Variants in NINL observed in about 807,000 individuals in gnomAD.
The protein encoded by NINL is ninein-like protein.
Under a neutral mutation model 160.3 loss-of-function variants are expected in NINL, and 153 were observed. The ratio of observed to expected loss-of-function variants is 0.95; its 90% CI spans 0.84 to 1.09. The LOEUF (loss-of-function observed/expected upper bound fraction) is 1.09, where lower values mean the gene tolerates loss of function less well. NINL is among the 50% of genes least tolerant of loss of function. The pLI is 0.00. For missense variants in NINL, 1,829 were observed against 1,764.0 expected, an observed-to-expected ratio of 1.04 and a Z score of -0.66; for synonymous variants, 800 against 734.8, an observed-to-expected ratio of 1.09 and a Z score of -1.43.
chr20:25,526,405 C>T lies in NINL; in HGVS notation c.180+3G>A. 2 of 1,608,922 alleles carry T rather than the reference C, an allele frequency of 1.2e-6. No homozygotes were observed. The highest frequency in any genetic ancestry group is 8.5e-7 in the Non-Finnish European group (1 of 1,176,452). ...CTTTATGACAATGAAGTCCAACACT[C>T]ACCCTGGCGAAATGGTCGTTTCCGA... On this transcript the variant is annotated splice_donor_region_variant and intron_variant, in intron 2 of 23. Coordinates refer to ENST00000278886, the MANE Select transcript of NINL (RefSeq NM_025176.6).
At chr20:25,566,054 A>G (rs1390341025) in intron 1 of NINL, among the ~76,000 whole-genome samples, 1 of 152,236 alleles carries the variant, frequency 6.6e-6, no homozygotes, top group Non-Finnish European at 1.5e-5. Flanking sequence ...GTTGGCAGCC[A>G]GCCGGGCACT....
chr20:25,575,123 T>C lies in NINL; in HGVS notation c.-12+10332A>G, dbSNP rs532252213. On this transcript the variant is annotated intron_variant, in intron 1 of 23. Transcript: ENST00000278886. The stretch of plus-strand genomic sequence containing the variant: ...AATATAGGACTAGCTTTTTAACTTG[T>C]TATTCTGAAAAACTTTCAAATGTAT... Among the ~76,000 whole-genome samples, 11 of 152,296 alleles carry C rather than the reference T, an allele frequency of 7.2e-5. No homozygotes were observed. The East Asian group carries it at 1.9e-3, about 27-fold the overall frequency.
At position 25,512,963 on chromosome 20, in the gene NINL, C is replaced by T; in HGVS notation, c.321G>A (p.Lys107=). The T allele has an allele frequency of 6.2e-7, 1 of 1,612,586 alleles. No homozygotes were observed. Among genetic ancestry groups the T allele is most frequent in the South Asian group, 1.1e-5 (1 of 90,988 alleles). The change falls in exon 4 of 24, where the codon AAG becomes AAA. Residue 107 remains lysine (K), a synonymous_variant. Transcript: ENST00000278886. ...AIPPKYVNGS[K]WYGRRSRPEL... is the part of the protein sequence containing the mutation. ...CAGGCCGGCTCCGACGGCCATACCA[C>T]TTAGAACCATTCACATACTTTGGAG...
intron 1 of NINL, among the ~76,000 whole-genome samples, chr20:25,570,622 C>T (rs2065042736): frequency 6.7e-6 from 1 of 149,508 alleles, no homozygotes; most frequent in African/African-American, 2.5e-5. Flanking sequence ...TATAGCAGTG[C>T]GAGAACGAAC....
chr20:25,530,884 T>C (rs986671742), intron 1 of NINL, among the ~76,000 whole-genome samples: 16 of 152,286 alleles, frequency 1.1e-4, no homozygotes, highest in Admixed American at 3.3e-4. Context: ...CAGGCACACA[T>C]TGTCATTGAT....
In NINL at chr20:25,453,486, C is replaced by G. The variant is rs778679773; in HGVS notation, c.4114G>C (p.Val1372Leu). The G allele has an allele frequency of 1.9e-6, 3 of 1,612,860 alleles. No individual in the cohort carries two copies. In the African/African-American group the frequency reaches 4.0e-5, roughly 22 times the overall value. ...EEKVRALNKL[V>L]SRIAPAALSV Reference sequence around the variant, plus strand: ...AGGGCTGCGGGGGCAATCCTACTGACGAGTTTGTTGAGAGCGCGAACTTTT... The same window carrying G: ...AGGGCTGCGGGGGCAATCCTACTGAGGAGTTTGTTGAGAGCGCGAACTTTT... The change falls in exon 24 of 24, where the codon GTC (valine) becomes CTC (leucine). Residue 1372 changes from valine to leucine, a missense_variant. Transcript: ENST00000278886.
chr20:25,506,731 G>A (rs568555001), intron 5 of NINL, among the ~76,000 whole-genome samples: 86 of 152,128 alleles, frequency 5.7e-4, no homozygotes, highest in Non-Finnish European at 1.2e-3. Context: ...ACGGTCCCAT[G>A]GACACTGAAG....
intron 2 of NINL, among the ~76,000 whole-genome samples, chr20:25,523,983 A>T (rs2064309025): frequency 6.6e-6 from 1 of 152,180 alleles, no homozygotes. Context: ...ATTCTCCTGG[A>T]TAAAGGGTTT....
chr20:25,560,446 G>T (rs1445158119), intron 1 of NINL, among the ~76,000 whole-genome samples: 1 of 152,160 alleles, frequency 6.6e-6, no homozygotes, highest in Non-Finnish European at 1.5e-5. Context: ...AGGTCAGTAG[G>T]CACTCATTAT....
chr20:25,515,123 G>T (rs372251518), intron 3 of NINL, among the ~76,000 whole-genome samples: 20 of 152,286 alleles, frequency 1.3e-4, no homozygotes, highest in African/African-American at 4.8e-4. Context: ...TATGCACCTG[G>T]AAAAACCACA....
At chr20:25,497,009 C>T (rs1328491035) in intron 9 of NINL, among the ~76,000 whole-genome samples, 1 of 152,180 alleles carries the variant, frequency 6.6e-6, no homozygotes, top group African/African-American at 2.4e-5. Flanking sequence ...GAGAGAGGGG[C>T]CACGTGACTT....
At chr20:25,486,400 G>A in intron 13 of NINL, among the ~76,000 whole-genome samples, 1 of 152,162 alleles carries the variant, frequency 6.6e-6, no homozygotes, top group South Asian at 2.1e-4. Flanking sequence ...AAGAAAGAAG[G>A]GTTTTAAATT....
intron 10 of NINL, among the ~76,000 whole-genome samples, chr20:25,492,150 T>C (rs1211011374): frequency 2.0e-5 from 3 of 152,198 alleles, no homozygotes; most frequent in Non-Finnish European, 4.4e-5. Flanking sequence ...AGAAGCCTGG[T>C]GACGCCCATA....
intron 4 of NINL, among the ~76,000 whole-genome samples, chr20:25,511,474 T>A (rs2064068916): frequency 1.3e-5 from 2 of 152,248 alleles, no homozygotes; most frequent in Non-Finnish European, 2.9e-5. Context: ...GTGGAATGGA[T>A]GCCTGGTGAC....
rs141090098 is a variant in NINL at position 25,542,422 on chromosome 20, A to T, written c.-11-15824T>A. Among the ~76,000 whole-genome samples, 205 of 152,176 alleles carry T rather than the reference A, an allele frequency of 1.3e-3. 1 individual carries two copies. Among genetic ancestry groups the T allele is most frequent in the African/African-American group, 4.7e-3 (193 of 41,500 alleles). On this transcript the variant is annotated intron_variant, in intron 1 of 23. Coordinates refer to ENST00000278886, the MANE Select transcript of NINL (RefSeq NM_025176.6). ...TGTACAATCATACACATCAGAGGAG[A>T]CCAAGAAGAAGAATGGGGCAGAAAA...
intron 1 of NINL, among the ~76,000 whole-genome samples, chr20:25,558,861 T>C (rs2064899851): frequency 1.3e-5 from 2 of 152,186 alleles, no homozygotes; most frequent in South Asian, 4.2e-4. Flanking sequence ...GCCTGTCCCA[T>C]TCCATACTCA....
rs1416844059 is a variant in NINL at position 25,480,167 on chromosome 20, C to T, written c.1911G>A (p.Glu637=). The part of the protein sequence containing the change: ...EHYQDLRTQL[E]TKVNYYEREI... Reference sequence around the variant, plus strand: ...AGCCCCATAATCCCCTCACCTTGGTCTCCAGCTGGGTCCTGAGGTCTTGGT... The same window carrying T: ...AGCCCCATAATCCCCTCACCTTGGTTTCCAGCTGGGTCCTGAGGTCTTGGT... The change falls in exon 15 of 24, where the codon GAG becomes GAA. Residue 637 remains glutamate, a synonymous_variant. Coordinates refer to ENST00000278886, the MANE Select transcript of NINL (RefSeq NM_025176.6). The T allele has an allele frequency of 6.2e-7, 1 of 1,613,582 alleles. No individual in the cohort carries two copies. Among genetic ancestry groups the T allele is most frequent in the Non-Finnish European group, 8.5e-7 (1 of 1,179,574 alleles).
chr20:25,476,080 C>G lies in NINL; in HGVS notation c.3211G>C (p.Ala1071Pro), dbSNP rs764704181. Reference protein sequence around the residue: ...KLLHLEDVVRALEKHVDLREN... With the variant: ...KLLHLEDVVRPLEKHVDLREN... ...CTCAAATCTACATGTTTCTCCAGAG[C>G]CCGGACGACGTCTTCCAGATGTAGA... Residue 1071 changes from alanine to proline, a missense_variant, in exon 17 of 24, where the codon GCT becomes CCT. By Grantham distance (27) the Ala-to-Pro change is conservative. Coordinates refer to ENST00000278886, the MANE Select transcript of NINL (RefSeq NM_025176.6). 1.2e-6 allele frequency: 2 copies of G among 1,613,794 alleles called. No homozygotes were observed. Among genetic ancestry groups the G allele is most frequent in the Admixed American group, 1.7e-5 (1 of 60,006 alleles).
intron 2 of NINL, among the ~76,000 whole-genome samples, chr20:25,518,700 C>T (rs1008597980): frequency 2.0e-5 from 3 of 152,170 alleles, no homozygotes; most frequent in Non-Finnish European, 2.9e-5. Flanking sequence ...TTTAAACTGA[C>T]TATTTCGCTT....
Sources: gnomAD v4.1 joint callset for allele counts (sites outside exome capture counted in the v4.1 genomes callset) on GRCh38, gnomAD v4.1.1 for gene constraint, MANE v1.5 for transcripts, NCBI Gene and HGNC (gene_info 2026-07-23, HGNC 2026-07-21) for gene names.